Variants in PKN2 observed in about 807,000 individuals in gnomAD.
PKN2 encodes the protein protein kinase N2.
Under a neutral mutation model 119.1 loss-of-function variants are expected in PKN2, and 38 were observed. That is an observed-to-expected ratio of 0.32 (90% CI 0.25 to 0.42). The LOEUF (loss-of-function observed/expected upper bound fraction) is 0.42. PKN2 is among the 10% of genes least tolerant of loss of function. PKN2 has a pLI of 1.00. For missense variants in PKN2, 850 were observed against 1,165.1 expected, an observed-to-expected ratio of 0.73 and a Z score of 3.94; for synonymous variants, 390 against 384.9, an observed-to-expected ratio of 1.01 and a Z score of -0.15.
In PKN2 at chr1:88,684,829, C is replaced by T. The variant is rs367744971; in HGVS notation, c.48+201C>T. 3 of 507,996 alleles carry T rather than the reference C, an allele frequency of 5.9e-6. No individual in the cohort carries two copies. In the African/African-American group the frequency reaches 6.1e-5, roughly 10 times the overall value. 31.5% of individuals were successfully genotyped at this position (507,996 alleles called of 1,614,324 possible). A position where few individuals can be genotyped will look rare whatever the true frequency, so the allele number is the denominator to read the frequency against. On this transcript the variant is annotated intron_variant, in intron 1 of 21. Coordinates refer to ENST00000370521, the MANE Select transcript of PKN2 (RefSeq NM_006256.4). ...CCGGACCCTCTCCCCCGCCAAAGCC[C>T]TGGCCTGCCACCGCTTTGGTTTGAT...
intron 16 of PKN2, among the ~76,000 whole-genome samples, chr1:88,821,383 T>C (rs908502535): frequency 1.3e-5 from 2 of 152,180 alleles, no homozygotes; most frequent in African/African-American, 4.8e-5. Flanking sequence ...ATAAATGCCA[T>C]CATTCTCCTC....
intron 1 of PKN2, among the ~76,000 whole-genome samples, chr1:88,696,558 A>G (rs1249575362): frequency 1.3e-5 from 2 of 152,198 alleles, no homozygotes; most frequent in Non-Finnish European, 2.9e-5. Flanking sequence ...ACCACAGCTG[A>G]CTGACTGAGT....
chr1:88,815,186 A>G (rs1283766340), intron 16 of PKN2, among the ~76,000 whole-genome samples: 1 of 152,240 alleles, frequency 6.6e-6, no homozygotes, highest in Non-Finnish European at 1.5e-5. Flanking sequence ...AAAATAATAC[A>G]TAAATGTAGT....
In PKN2 at chr1:88,759,319, C is replaced by T. The variant is rs140259722; in HGVS notation, c.350-903C>T. Among the ~76,000 whole-genome samples the T allele has an allele frequency of 3.4e-3, 519 of 152,250 alleles. 11 individuals carry two copies. Among genetic ancestry groups the T allele is most frequent in the East Asian group, 0.032 (163 of 5,168 alleles). On this transcript the variant is annotated intron_variant, in intron 2 of 21. Coordinates refer to ENST00000370521, the MANE Select transcript of PKN2 (RefSeq NM_006256.4). ...CAGAGGTTGCAGTGAGCCAAGATGGCGCCACTGCACTCCAGGCTGGGTGAC... is the reference window on the plus strand; with the variant it reads ...CAGAGGTTGCAGTGAGCCAAGATGGTGCCACTGCACTCCAGGCTGGGTGAC...
chr1:88,774,686 T>G (rs1296124960), intron 6 of PKN2, among the ~76,000 whole-genome samples: 3 of 152,084 alleles, frequency 2.0e-5, no homozygotes, highest in Non-Finnish European at 4.4e-5. Flanking sequence ...TCTTTTGGTT[T>G]TGATTGAATT....
chr1:88,822,005 T>C lies in PKN2; in HGVS notation c.2342+2T>C. On this transcript the variant is annotated splice_donor_variant, in intron 17 of 21. Coordinates refer to ENST00000370521, the MANE Select transcript of PKN2 (RefSeq NM_006256.4). LOFTEE classifies it high-confidence loss of function. ...ACATGAACACAAAATTGTTTATAGG[T>C]AAGTTAATTTTTAATTTTTTCTAAT... 1.3e-6 allele frequency: 2 copies of C among 1,549,124 alleles called. No homozygotes were observed. The highest frequency in any genetic ancestry group is 1.4e-5 in the African/African-American group (1 of 72,080).
At chr1:88,766,013 G>A (rs7552788) in intron 3 of PKN2, among the ~76,000 whole-genome samples, 16,990 of 152,092 alleles carry the variant, frequency 0.11, 1,971 homozygotes, top group African/African-American at 0.3. Context: ...GGGTTTCACC[G>A]TGTTGGCTGG....
At chr1:88,806,643 A>G (rs185306804) in intron 12 of PKN2, among the ~76,000 whole-genome samples, 1 of 152,344 alleles carries the variant, frequency 6.6e-6, no homozygotes, top group Non-Finnish European at 1.5e-5. Context: ...TTGATACTAC[A>G]TGACATACTG....
chr1:88,807,351 T>G lies in PKN2; in HGVS notation c.1842T>G (p.Asn614Lys). Residue 614 changes from asparagine to lysine, a missense_variant, in exon 13 of 22, where the codon AAT becomes AAG. By Grantham distance (94) the Asn-to-Lys change is moderately conservative. Transcript: ENST00000370521. The stretch of plus-strand genomic sequence containing the variant: ...TTTTTGATATTCAGAATGACAGAAA[T>G]AGTATACTTCCAAAATCTCAATCTG... ...ETVFDIQNDR[N>K]SILPKSQSEY... The G allele has an allele frequency of 6.3e-7, 1 of 1,587,634 alleles. No individual in the cohort carries two copies. Among genetic ancestry groups the G allele is most frequent in the Non-Finnish European group, 8.6e-7 (1 of 1,158,198 alleles).
At chr1:88,831,167 C>T (rs1672715051) in intron 19 of PKN2, among the ~76,000 whole-genome samples, 1 of 151,878 alleles carries the variant, frequency 6.6e-6, no homozygotes, top group Admixed American at 6.6e-5. Flanking sequence ...TCTGAACAGA[C>T]TATTGGTTTC....
At chr1:88,685,532 T>C (rs1423424395) in intron 1 of PKN2, among the ~76,000 whole-genome samples, 1 of 152,244 alleles carries the variant, frequency 6.6e-6, no homozygotes, top group Non-Finnish European at 1.5e-5. Flanking sequence ...AAATATTTGA[T>C]AATGTAGGCA....
At chr1:88,776,672 G>GA (rs1670120023) in intron 6 of PKN2, among the ~76,000 whole-genome samples, 1 of 151,812 alleles carries the variant, frequency 6.6e-6, no homozygotes, top group African/African-American at 2.4e-5. Context: ...CGCGGGAGGC[G>GA]GAGGTTGCAG....
chr1:88,772,912 A>G (rs966001548), intron 6 of PKN2, among the ~76,000 whole-genome samples: 4 of 152,068 alleles, frequency 2.6e-5, no homozygotes, highest in Admixed American at 6.5e-5. Context: ...ATATCTAACT[A>G]TGTCTGTAGA....
chr1:88,770,509 G>T, intron 4 of PKN2, 40 bp downstream of exon 4: 1 of 1,045,582 alleles, frequency 9.6e-7, no homozygotes, highest in Non-Finnish European at 1.5e-6. Context: ...GAGCATAATG[G>T]TGCTAAATAA....
intron 1 of PKN2, chr1:88,685,338 C>CT (rs1666047717): frequency 1.3e-5 from 2 of 151,580 alleles, no homozygotes; most frequent in Non-Finnish European, 2.9e-5. Context: ...GATGCTGATG[C>CT]TTTTCAGACT....
chr1:88,685,481 TAAGTC>T (rs1353618608), intron 1 of PKN2, among the ~76,000 whole-genome samples: 5 of 152,278 alleles, frequency 3.3e-5, no homozygotes, highest in African/African-American at 1.2e-4. Context: ...ATCGCTTAGT[TAAGTC>T]ATGTCGAGTA....
In PKN2 at chr1:88,688,791, A is replaced by T. The variant is rs1459604802; in HGVS notation, c.48+4163A>T. 2.0e-5 allele frequency among the ~76,000 whole-genome samples: 3 copies of T among 152,192 alleles called. No individual in the cohort carries two copies. The East Asian group carries it at 5.8e-4, about 29-fold the overall frequency. Reference sequence around the variant, plus strand: ...CATGTAACCTAGCTCTGTGTTTGACACTTAGTAGGTGCGCAATACATTGAT... The same window carrying T: ...CATGTAACCTAGCTCTGTGTTTGACTCTTAGTAGGTGCGCAATACATTGAT... On this transcript the variant is annotated intron_variant, in intron 1 of 21. Coordinates refer to ENST00000370521, the MANE Select transcript of PKN2 (RefSeq NM_006256.4).
At chr1:88,820,233 TAAATAGAAAA>T (rs1276025402) in intron 16 of PKN2, among the ~76,000 whole-genome samples, 10 of 52,692 alleles carry the variant, frequency 1.9e-4, no homozygotes, top group African/African-American at 7.2e-4. Flanking sequence ...TATATATATA[TAAATAGAAAA>T]AAATAAAAAT....
At chr1:88,719,404 C>T (rs1667579240) in intron 1 of PKN2, among the ~76,000 whole-genome samples, 1 of 152,266 alleles carries the variant, frequency 6.6e-6, no homozygotes, top group Non-Finnish European at 1.5e-5. Flanking sequence ...TAAAACAAAA[C>T]ATTTAATGAG....
Sources: allele counts gnomAD v4.1 joint callset (sites outside exome capture counted in the v4.1 genomes callset), GRCh38; gene constraint gnomAD v4.1.1; transcripts MANE v1.5; gene names NCBI Gene and HGNC (gene_info 2026-07-23, HGNC 2026-07-21).